The following TCERG1 variants were observed in gnomAD, a reference collection of about 807,000 sequenced individuals.
The protein encoded by TCERG1 is TATA box binding protein (TBP)-associated factor, RNA polymerase II, S, 150kD.
A neutral mutation model predicts 144.7 loss-of-function variants in TCERG1; 37 were observed. The observed-to-expected ratio is 0.26, with a 90% confidence interval of 0.20 to 0.34. TCERG1 has a LOEUF of 0.34. Among genes scored for constraint, TCERG1 ranks in the 10% least tolerant of loss-of-function variants. TCERG1 has a pLI of 1.00. For synonymous variants in TCERG1, 492 were observed against 458.2 expected (o/e 1.07, Z -0.94); for missense variants, 1,027 against 1,380.7 (o/e 0.74, Z 4.06).
At chr5:146,509,271 T>C in intron 22 of TCERG1, 26 bp downstream of exon 22, 1 of 1,466,728 alleles carries the variant, frequency 6.8e-7, no homozygotes, top group Non-Finnish European at 9.5e-7. Context: ...TGTTTCATAT[T>C]GGCAGTCATT....
chr5:146,448,777 A>G (rs1319003369), intron 1 of TCERG1, among the ~76,000 whole-genome samples: 2 of 152,232 alleles, frequency 1.3e-5, no homozygotes, highest in African/African-American at 4.8e-5. Context: ...TTAATGAGTG[A>G]TCAAGGTGAA....
Position 146,485,534 on chromosome 5 carries a change from G to A in TCERG1, c.2163+1905G>A, listed in dbSNP as rs536259479. ...AGTGAAATTAGAAGTAACATATTGA[G>A]AACTATAGTTCTTTCCCAATTTTTG... On this transcript the variant is annotated intron_variant, in intron 15 of 22. Coordinates refer to ENST00000679501, the MANE Select transcript of TCERG1 (RefSeq NM_001382548.1). 1.2e-3 allele frequency among the ~76,000 whole-genome samples: 183 copies of A among 152,224 alleles called. 1 individual carries two copies. Among genetic ancestry groups the A allele is most frequent in the African/African-American group, 4.1e-3 (170 of 41,536 alleles).
chr5:146,480,532 C>T (rs1765258897), intron 12 of TCERG1: 1 of 155,140 alleles, frequency 6.4e-6, no homozygotes, highest in East Asian at 1.9e-4. Context: ...AACCCATAAG[C>T]TTAGGAAGTG....
At chr5:146,478,987 T>C (rs1262767480) in intron 10 of TCERG1, among the ~76,000 whole-genome samples, 1 of 152,104 alleles carries the variant, frequency 6.6e-6, no homozygotes, top group Non-Finnish European at 1.5e-5. Context: ...TTAGCACCTT[T>C]TGTGACTAGT....
chr5:146,486,623 T>C (rs1453609537), intron 15 of TCERG1, among the ~76,000 whole-genome samples: 1 of 152,162 alleles, frequency 6.6e-6, no homozygotes, highest in Non-Finnish European at 1.5e-5. Flanking sequence ...CCACTCTTAG[T>C]CAACATAGTG....
chr5:146,483,160 G>C (rs1752375972), intron 14 of TCERG1, among the ~76,000 whole-genome samples: 1 of 152,162 alleles, frequency 6.6e-6, no homozygotes. Flanking sequence ...TATATTCACA[G>C]ATTCATTTGA....
intron 4 of TCERG1, chr5:146,462,233 G>A (rs765696219): frequency 2.6e-5 from 4 of 152,602 alleles, no homozygotes; most frequent in Non-Finnish European, 4.4e-5. Flanking sequence ...ATTAAATAGT[G>A]TGCTTTTGTT....
chr5:146,504,104 G>A, intron 19 of TCERG1, 98 bp downstream of exon 19: 1 of 1,186,992 alleles, frequency 8.4e-7, no homozygotes, highest in Non-Finnish European at 1.1e-6. Flanking sequence ...TAATTCTGAG[G>A]GAGATAATTT....
intron 22 of TCERG1, chr5:146,510,218 A>C: frequency 1.3e-6 from 1 of 745,828 alleles, no homozygotes; most frequent in Non-Finnish European, 2.0e-6. Context: ...AGGGACCACC[A>C]CTAGGGGTGG....
rs1219811712 is a variant in TCERG1 at position 146,482,730 on chromosome 5, C to T, written c.2073+3C>T. On this transcript the variant is annotated splice_donor_region_variant and intron_variant, in intron 14 of 22. Transcript: ENST00000679501. The stretch of plus-strand genomic sequence containing the variant: ...AGGACATGCTGCTAGAGAGAGGGGT[C>T]AGAAAACAATCTTTGGGGGAGATAT... 1.9e-6 allele frequency: 3 copies of T among 1,597,792 alleles called. No homozygotes were observed. The highest frequency in any genetic ancestry group is 2.7e-5 in the African/African-American group (2 of 74,032).
At chr5:146,457,805 A>T in intron 3 of TCERG1, among the ~76,000 whole-genome samples, 1 of 152,194 alleles carries the variant, frequency 6.6e-6, no homozygotes, top group East Asian at 1.9e-4. Context: ...CTTTGTGCTC[A>T]TTATAGAAAA....
At chr5:146,463,506 G>T in intron 4 of TCERG1, 45 bp from the exon 5 acceptor site, 2 of 1,609,470 alleles carry the variant, frequency 1.2e-6, no homozygotes, top group South Asian at 2.2e-5. Flanking sequence ...ATAGTAAAAT[G>T]ATTTATGAAG....
intron 14 of TCERG1, among the ~76,000 whole-genome samples, chr5:146,483,298 G>A (rs1308164652): frequency 2.0e-5 from 3 of 152,100 alleles, no homozygotes; most frequent in Admixed American, 6.6e-5. Context: ...CACAGTAGTA[G>A]TTATTTTAAT....
chr5:146,481,393 A>G (rs975577279), intron 13 of TCERG1, 193 bp downstream of exon 13: 3 of 168,458 alleles, frequency 1.8e-5, no homozygotes, highest in African/African-American at 7.2e-5. Context: ...TTATTATAAG[A>G]GGGTATATTG....
intron 5 of TCERG1, among the ~76,000 whole-genome samples, chr5:146,465,975 G>A (rs1379274276): frequency 4.7e-5 from 7 of 148,922 alleles, no homozygotes; most frequent in South Asian, 4.2e-4. Flanking sequence ...AGCCGAGATC[G>A]CGCCATTGCA....
In TCERG1 at chr5:146,507,276, T is replaced by C. The variant is rs1189389152; in HGVS notation, c.2961+69T>C. On this transcript the variant is annotated intron_variant, in intron 20 of 22. Coordinates refer to ENST00000679501, the MANE Select transcript of TCERG1 (RefSeq NM_001382548.1). This position sits in a 1 kb window ranked among gnomAD's most constrained non-coding sequence, Gnocchi z 4.6. ...GTTAGTAATTTCTTAAAGCAAAGCA[T>C]TGATATGATTTTTAGTGTCATGGTC... 5.0e-6 allele frequency: 7 copies of C among 1,412,256 alleles called. No individual in the cohort carries two copies. The highest frequency in any genetic ancestry group is 6.6e-6 in the Non-Finnish European group (7 of 1,053,384). 87.5% of individuals were successfully genotyped at this position (1,412,256 alleles called of 1,614,324 possible).
chr5:146,486,093 T>C (rs1036423612), intron 15 of TCERG1, among the ~76,000 whole-genome samples: 7 of 152,324 alleles, frequency 4.6e-5, no homozygotes, highest in African/African-American at 1.7e-4. Context: ...TAAACACGTT[T>C]TTTGAATACT....
intron 9 of TCERG1, 53 bp downstream of exon 9, chr5:146,471,629 C>CAAAAA: frequency 6.7e-7 from 1 of 1,483,538 alleles, no homozygotes; most frequent in Non-Finnish European, 9.3e-7. Flanking sequence ...GACGGAGTCT[C>CAAAAA]ACTCTGTCAC....
At chr5:146,483,830 C>G in intron 15 of TCERG1, among the ~76,000 whole-genome samples, 1 of 152,014 alleles carries the variant, frequency 6.6e-6, no homozygotes, top group Admixed American at 6.5e-5. Context: ...ATGAGCATGG[C>G]TGTTGTCTTG....
Sources: gnomAD v4.1 joint callset for allele counts (sites outside exome capture counted in the v4.1 genomes callset) on GRCh38, gnomAD v4.1.1 for gene constraint, Gnocchi (gnomAD v3.1) non-coding constraint, MANE v1.5 for transcripts, NCBI Gene and HGNC (gene_info 2026-07-23, HGNC 2026-07-21) for gene names.